The following CKAP5 variants were observed in gnomAD, a reference collection of about 807,000 sequenced individuals.
CKAP5 encodes cytoskeleton associated protein 5.
In CKAP5, 27 loss-of-function variants were observed where a neutral mutation model predicts 232.8. That is an observed-to-expected ratio of 0.12 (90% CI 0.09 to 0.16). The LOEUF (loss-of-function observed/expected upper bound fraction) is 0.16, where lower values mean the gene tolerates loss of function less well. Among genes scored for constraint, CKAP5 ranks in the 10% least tolerant of loss-of-function variants. The pLI, the probability that CKAP5 is intolerant of heterozygous loss-of-function variation, is 1.00. For missense variants in CKAP5, 1,838 were observed against 2,424.7 expected, an observed-to-expected ratio of 0.76 and a Z score of 5.08; for synonymous variants, 785 against 841.1, an observed-to-expected ratio of 0.93 and a Z score of 1.16.
chr11:46,750,746 A>AT, intron 40 of CKAP5, 135 bp from the exon 41 acceptor site: 1 of 676,464 alleles, frequency 1.5e-6, no homozygotes, highest in Non-Finnish European at 2.5e-6. Context: ...AGATGCACCG[A>AT]TGATGCAGGT....
chr11:46,797,081 T>C (rs78279886), intron 11 of CKAP5, 141 bp from the exon 12 acceptor site: 161 of 923,344 alleles, frequency 1.7e-4, no homozygotes, highest in Middle Eastern at 2.9e-4. Context: ...CTTGTGCCAA[T>C]TGACAGTTAC....
Position 46,744,183 on chromosome 11 carries a change from C to T in CKAP5, c.5939G>A (p.Ser1980Asn), listed in dbSNP as rs934486038. 6.2e-7 allele frequency: 1 copy of T among 1,614,072 alleles called. No individual in the cohort carries two copies. ...TGACTCCCGGAGCTGAGAGAGTTTG[C>T]TGTGGAGCATGTCTGTGGAAGAGGC... Reference protein sequence around the residue: ...TVASSTDMLHSKLSQLRESRE... With the variant: ...TVASSTDMLHNKLSQLRESRE... The change falls in exon 44 of 44, where the codon AGC (serine) becomes AAC (asparagine). Residue 1980 changes from serine (S) to asparagine (N), a missense_variant. Transcript: ENST00000529230.
chr11:46,750,973 T>G, intron 40 of CKAP5, 145 bp downstream of exon 40: 1 of 931,388 alleles, frequency 1.1e-6, no homozygotes. Context: ...AAATGGTTAC[T>G]GCACCACAGC....
intron 24 of CKAP5, among the ~76,000 whole-genome samples, chr11:46,772,238 T>C (rs915747577): frequency 6.6e-6 from 1 of 152,136 alleles, no homozygotes; most frequent in Non-Finnish European, 1.5e-5. Context: ...CTTACAAATC[T>C]TTTCTGTTGT....
At chr11:46,761,273 TAAAAAA>T (rs1219349453) in intron 32 of CKAP5, among the ~76,000 whole-genome samples, 1 of 146,440 alleles carries the variant, frequency 6.8e-6, no homozygotes, top group African/African-American at 2.5e-5. Flanking sequence ...AAAGAAACGA[TAAAAAA>T]AAGAAAGCCA....
chr11:46,795,324 T>C lies in CKAP5; in HGVS notation c.1650+270A>G, dbSNP rs540734602. Among the ~76,000 whole-genome samples, 39 of 144,516 alleles carry C rather than the reference T, an allele frequency of 2.7e-4. No individual in the cohort carries two copies. In the East Asian group the frequency reaches 0.011, roughly 40 times the overall value. The allele number at this position is 144,516 out of a possible 152,430, so 94.8% of individuals were successfully genotyped here. A position where few individuals can be genotyped will look rare whatever the true frequency, so the allele number is the denominator to read the frequency against. On this transcript the variant is annotated intron_variant, in intron 13 of 43. Coordinates refer to ENST00000529230, the MANE Select transcript of CKAP5 (RefSeq NM_001008938.4). ...GCCTGGGCAACAGAGCGAGACTCCA[T>C]CTCAAAAAAAAAAAAAGTTAAGATA...
chr11:46,831,241 A>T (rs558346248), intron 1 of CKAP5, among the ~76,000 whole-genome samples: 1 of 152,080 alleles, frequency 6.6e-6, no homozygotes, highest in East Asian at 1.9e-4. Context: ...ATATTATTAA[A>T]TTTTTTTCAT....
chr11:46,822,760 A>T (rs66698335), intron 1 of CKAP5, among the ~76,000 whole-genome samples: 43 of 127,464 alleles, frequency 3.4e-4, no homozygotes, highest in Non-Finnish European at 7.0e-4. Context: ...AAAAAAAAAA[A>T]AAAAGAAAGA....
chr11:46,751,132 C>T lies in CKAP5; in HGVS notation c.5446G>A (p.Gly1816Arg). 6.2e-7 allele frequency: 1 copy of T among 1,614,154 alleles called. No individual in the cohort carries two copies. Residue 1816 changes from glycine (G) to arginine (R), a missense_variant, in exon 40 of 44, where the codon GGA (glycine) becomes AGA (arginine). Transcript: ENST00000529230. ...GSKSDKETEK[G>R]ASRIDEKSSK... ...AGGCCACTCACTATTCGAGATGCTC[C>T]CTTTTCTGTTTCCTTATCAGACTTG...
chr11:46,841,723 C>T (rs1439774032), intron 1 of CKAP5, among the ~76,000 whole-genome samples: 3 of 151,924 alleles, frequency 2.0e-5, no homozygotes, highest in African/African-American at 4.8e-5. Context: ...TATGCTGGCT[C>T]GGCACGGTGG....
intron 15 of CKAP5, 105 bp from the exon 16 acceptor site, chr11:46,788,878 G>T: frequency 1.3e-6 from 1 of 762,790 alleles, no homozygotes. Flanking sequence ...GAAAGGAGTG[G>T]AATAGAACTG....
At chr11:46,800,438 G>C (rs1265355899) in intron 9 of CKAP5, among the ~76,000 whole-genome samples, 2 of 152,182 alleles carry the variant, frequency 1.3e-5, no homozygotes, top group African/African-American at 4.8e-5. Flanking sequence ...TCCTAAGTCA[G>C]TCTAGGGAAT....
At position 46,749,902 on chromosome 11, in the gene CKAP5, G is replaced by A. The variant is rs1055235871; in HGVS notation, c.5704+372C>T. The stretch of plus-strand genomic sequence containing the variant: ...AGATTGCACCACTGCACTCCAGCCC[G>A]AGCAACAAGAGTGAAACTCCATCTC... On this transcript the variant is annotated intron_variant, in intron 42 of 43. Transcript: ENST00000529230. Among the ~76,000 whole-genome samples, 4 of 148,264 alleles carry A rather than the reference G, an allele frequency of 2.7e-5. No homozygotes were observed. The South Asian group carries it at 6.4e-4, about 24-fold the overall frequency.
At chr11:46,796,723 C>G (rs1321865319) in intron 12 of CKAP5, 89 bp downstream of exon 12, 1 of 1,430,960 alleles carries the variant, frequency 7.0e-7, no homozygotes, top group African/African-American at 1.4e-5. Context: ...ATCAAAACTA[C>G]CAGTACTCTA....
chr11:46,777,552 C>T lies in CKAP5; in HGVS notation c.2749G>A (p.Val917Ile), dbSNP rs764825279. 1.9e-6 allele frequency: 3 copies of T among 1,600,704 alleles called. No individual in the cohort carries two copies. Among genetic ancestry groups the T allele is most frequent in the Non-Finnish European group, 1.7e-6 (2 of 1,167,948 alleles). The change falls in exon 23 of 44, where the codon GTA becomes ATA. Residue 917 changes from valine to isoleucine, a missense_variant and splice_region_variant. Val to Ile is a conservative substitution (Grantham distance 29). Around this residue, in one of 6 missense-constraint regions of CKAP5, gnomAD observed 767 missense variants for 954.6 expected, o/e 0.80. Coordinates refer to ENST00000529230, the MANE Select transcript of CKAP5 (RefSeq NM_001008938.4). Reference sequence around the variant, plus strand: ...TGCAGGATATTCAGCGTTTGCTGTACCTGAGTGGAAAGAGCCAATACTTTA... The same window carrying T: ...TGCAGGATATTCAGCGTTTGCTGTATCTGAGTGGAAAGAGCCAATACTTTA... ...GRLNDSNKIL[V>I]QQTLNILQQL...
chr11:46,770,506 A>C (rs1736730097), intron 25 of CKAP5, among the ~76,000 whole-genome samples: 2 of 152,148 alleles, frequency 1.3e-5, no homozygotes. Context: ...ATCTCAGCTG[A>C]TTGCAACCTC....
chr11:46,763,855 CAG>C (rs1297663781), intron 28 of CKAP5, among the ~76,000 whole-genome samples: 8 of 152,140 alleles, frequency 5.3e-5, no homozygotes, highest in Non-Finnish European at 1.0e-4. Flanking sequence ...GTTTTTGAGA[CAG>C]AGTCTCACCT....
chr11:46,774,754 TAATA>T (rs1432312053), intron 24 of CKAP5, among the ~76,000 whole-genome samples: 1 of 152,200 alleles, frequency 6.6e-6, no homozygotes, highest in Non-Finnish European at 1.5e-5. Flanking sequence ...ATTCACTATT[TAATA>T]AATGGTATTG....
chr11:46,778,360 T>A (rs748540184), intron 21 of CKAP5, 47 bp from the exon 22 acceptor site: 1 of 1,601,486 alleles, frequency 6.2e-7, no homozygotes, highest in Non-Finnish European at 8.5e-7. Flanking sequence ...AAAAAAATGA[T>A]GATATCACGT....
Sources: gnomAD v4.1 joint callset for allele counts (sites outside exome capture counted in the v4.1 genomes callset) on GRCh38, gnomAD v4.1.1 for gene constraint, gnomAD v4.1.1 regional missense constraint, MANE v1.5 for transcripts, NCBI Gene and HGNC (gene_info 2026-07-23, HGNC 2026-07-21) for gene names.